MCPH1: variants seen among roughly 807,000 people sequenced by gnomAD.
The protein encoded by MCPH1 is microcephalin.
In MCPH1, 104 loss-of-function variants were observed where a neutral mutation model predicts 84.5. The ratio of observed to expected loss-of-function variants is 1.23; its 90% CI spans 1.05 to 1.45. The LOEUF (loss-of-function observed/expected upper bound fraction) is 1.45, where lower values mean the gene tolerates loss of function less well. Ranked by LOEUF, MCPH1 falls within the 40% of genes most tolerant of loss-of-function variation. The probability of loss-of-function intolerance (pLI) is 0.00; values close to 1 mark genes in which losing one functional copy is unlikely to be tolerated. For missense variants in MCPH1, 1,498 were observed against 1,005.7 expected (o/e 1.49, Z -6.62); for synonymous variants, 514 against 366.8 (o/e 1.40, Z -4.58).
At chr8:6,619,454 C>T (rs1831188798) in intron 12 of MCPH1, among the ~76,000 whole-genome samples, 1 of 151,924 alleles carries the variant, frequency 6.6e-6, no homozygotes, top group Non-Finnish European at 1.5e-5. Context: ...AAATGCTCGG[C>T]TAGTTTTTGT....
chr8:6,438,552 A>G (rs1441669066), intron 5 of MCPH1, among the ~76,000 whole-genome samples: 1 of 152,186 alleles, frequency 6.6e-6, no homozygotes, highest in Non-Finnish European at 1.5e-5. Flanking sequence ...GTTTGAGGGT[A>G]GGAGTGATGG....
chr8:6,468,544 C>T (rs1266452955), intron 9 of MCPH1, among the ~76,000 whole-genome samples: 2 of 151,980 alleles, frequency 1.3e-5, no homozygotes, highest in South Asian at 2.1e-4. Context: ...TGTTAGATAC[C>T]GAGTTTGCTA....
At chr8:6,521,028 C>G in intron 12 of MCPH1, 1 of 620,196 alleles carries the variant, frequency 1.6e-6, no homozygotes. Context: ...ATTTCCCCTT[C>G]TCTTCTTCCT....
At chr8:6,429,929 C>A (rs979637691) in intron 3 of MCPH1, among the ~76,000 whole-genome samples, 2 of 152,186 alleles carry the variant, frequency 1.3e-5, no homozygotes, top group African/African-American at 4.8e-5. Context: ...AAGTACAACC[C>A]TTGGAATCAC....
intron 12 of MCPH1, among the ~76,000 whole-genome samples, chr8:6,572,621 A>C (rs574861467): frequency 6.6e-6 from 1 of 152,374 alleles, no homozygotes; most frequent in Admixed American, 6.5e-5. Context: ...ATTTTTAGGC[A>C]TTCATTTAGC....
intron 13 of MCPH1, among the ~76,000 whole-genome samples, chr8:6,640,480 G>C (rs1049634834): frequency 1.3e-5 from 2 of 152,082 alleles, no homozygotes; most frequent in African/African-American, 2.4e-5. Context: ...GAATATCTTA[G>C]ATAGGAGATT....
chr8:6,569,820 A>G (rs1826510275), intron 12 of MCPH1, among the ~76,000 whole-genome samples: 1 of 152,224 alleles, frequency 6.6e-6, no homozygotes, highest in South Asian at 2.1e-4. Context: ...GCACAAACAC[A>G]CATCCCGAGT....
chr8:6,494,863 AT>A (rs774938342), intron 11 of MCPH1, among the ~76,000 whole-genome samples: 3 of 152,208 alleles, frequency 2.0e-5, no homozygotes, highest in Non-Finnish European at 2.9e-5. Context: ...ATGCCATTGA[AT>A]TGCACACTTT....
At chr8:6,596,788 G>A (rs1216567072) in intron 12 of MCPH1, among the ~76,000 whole-genome samples, 1 of 152,166 alleles carries the variant, frequency 6.6e-6, no homozygotes, top group Non-Finnish European at 1.5e-5. Flanking sequence ...TCTCTTTTCT[G>A]CTGAAATTGA....
At chr8:6,480,963 C>A in intron 11 of MCPH1, 87 bp downstream of exon 11, 2 of 1,439,146 alleles carry the variant, frequency 1.4e-6, no homozygotes, top group Non-Finnish European at 1.9e-6. Flanking sequence ...AGCACTCAGG[C>A]CGGCGTGCAC....
intron 12 of MCPH1, chr8:6,500,675 T>A (rs990484186): frequency 2.6e-5 from 4 of 152,240 alleles, no homozygotes; most frequent in African/African-American, 9.6e-5. Context: ...TTTTTAAGAT[T>A]ACTGTTTGAT....
rs888201121 is a variant in MCPH1, at chr8:6,608,335, A to G, written c.2215-13119A>G. Among the ~76,000 whole-genome samples the G allele has an allele frequency of 2.0e-5, 3 of 152,256 alleles. 1 individual carries two copies. Among genetic ancestry groups the G allele is most frequent in the African/African-American group, 7.2e-5 (3 of 41,476 alleles). On this transcript the variant is annotated intron_variant, in intron 12 of 13. Coordinates refer to ENST00000344683, the MANE Select transcript of MCPH1 (RefSeq NM_024596.5). ...AGACGTCGGCCTAAAGGCAATCGCAAGGAGAAATGCGTTGAGAATTGTAGC... is the reference window on the plus strand; with the variant it reads ...AGACGTCGGCCTAAAGGCAATCGCAGGGAGAAATGCGTTGAGAATTGTAGC...
chr8:6,545,726 G>A (rs1586538613), intron 12 of MCPH1, among the ~76,000 whole-genome samples: 1 of 152,216 alleles, frequency 6.6e-6, no homozygotes, highest in East Asian at 1.9e-4. Flanking sequence ...TCTGAGTCAT[G>A]TATTGGATTT....
In MCPH1 at chr8:6,455,215, C is replaced by T. The variant is rs542683341; in HGVS notation, c.1898C>T (p.Pro633Leu). Residue 633 changes from proline to leucine, a missense_variant, in exon 9 of 14, where the codon CCT becomes CTT. Pro to Leu is a moderately conservative substitution (Grantham distance 98). Transcript: ENST00000344683. ...GACGGCTTTAAGGACCTCATCAAAC[C>T]TCATGAGGAATTGAAGAAAAGTGGG... ...SCDGFKDLIKPHEELKKSGRG... is the reference protein window; with the variant it reads ...SCDGFKDLIKLHEELKKSGRG... 113 of 1,613,858 alleles carry T rather than the reference C, an allele frequency of 7.0e-5. 2 individuals carry two copies. In the South Asian group the frequency reaches 1.0e-3, roughly 15 times the overall value.
At chr8:6,468,153 G>A (rs1218948991) in intron 9 of MCPH1, among the ~76,000 whole-genome samples, 1 of 152,166 alleles carries the variant, frequency 6.6e-6, no homozygotes, top group Non-Finnish European at 1.5e-5. Flanking sequence ...AGTCTTTCCT[G>A]TGCAGATAAG....
intron 12 of MCPH1, chr8:6,562,628 A>G (rs761147808): frequency 1.4e-6 from 2 of 1,387,108 alleles, no homozygotes; most frequent in Admixed American, 3.9e-5. Context: ...TCACAAAGAC[A>G]GATGGATTTT....
At chr8:6,556,076 C>T (rs1320760075) in intron 12 of MCPH1, among the ~76,000 whole-genome samples, 1 of 152,098 alleles carries the variant, frequency 6.6e-6, no homozygotes, top group Non-Finnish European at 1.5e-5. Flanking sequence ...AGATCGATGT[C>T]CCAGTGGGCG....
intron 12 of MCPH1, among the ~76,000 whole-genome samples, chr8:6,528,547 G>A (rs917974021): frequency 2.0e-5 from 3 of 152,096 alleles, no homozygotes; most frequent in East Asian, 1.9e-4. Context: ...TGAACCAATC[G>A]AAGCCGTATA....
chr8:6,495,880 A>G (rs910006696), intron 11 of MCPH1, among the ~76,000 whole-genome samples: 2 of 152,198 alleles, frequency 1.3e-5, no homozygotes, highest in African/African-American at 2.4e-5. Flanking sequence ...CGACTGTGGG[A>G]CAAGTTTCTA....
Sources: allele counts gnomAD v4.1 joint callset (sites outside exome capture counted in the v4.1 genomes callset), GRCh38; gene constraint gnomAD v4.1.1; transcripts MANE v1.5; gene names NCBI Gene and HGNC (gene_info 2026-07-23, HGNC 2026-07-21).